NRXN3: variants seen among roughly 807,000 people sequenced by gnomAD.
The protein encoded by NRXN3 is neurexin III.
In NRXN3, 32 loss-of-function variants were observed where a neutral mutation model predicts 137.6. The observed-to-expected ratio is 0.23, with a 90% CI of 0.18 to 0.31. The LOEUF (loss-of-function observed/expected upper bound fraction) is 0.31, where lower values mean the gene tolerates loss of function less well. Ranked by LOEUF, NRXN3 falls within the 10% of genes least tolerant of loss-of-function variation. NRXN3 has a pLI of 1.00. For missense variants in NRXN3, 1,574 were observed against 2,062.5 expected (o/e 0.76, Z 4.59); for synonymous variants, 798 against 784.5 (o/e 1.02, Z -0.29).
intron 1 of NRXN3, among the ~76,000 whole-genome samples, chr14:78,185,484 AT>A (rs1474107137): frequency 6.6e-6 from 1 of 152,222 alleles, no homozygotes; most frequent in African/African-American, 2.4e-5. Flanking sequence ...CTGAAAGGGT[AT>A]GCTGAGTCAG....
chr14:79,266,050 G>T (rs950555038), intron 15 of NRXN3, among the ~76,000 whole-genome samples: 1 of 152,080 alleles, frequency 6.6e-6, no homozygotes, highest in African/African-American at 2.4e-5. Context: ...TAGCTCTTTA[G>T]CCCCTGTTTC....
chr14:79,715,875 A>G (rs896184696), intron 19 of NRXN3, among the ~76,000 whole-genome samples: 3 of 152,250 alleles, frequency 2.0e-5, no homozygotes, highest in African/African-American at 7.2e-5. Context: ...TGTTCCCGCC[A>G]AAGGAAATAG....
chr14:78,585,852 G>T (rs1053138388), intron 4 of NRXN3, among the ~76,000 whole-genome samples: 1 of 152,144 alleles, frequency 6.6e-6, no homozygotes, highest in African/African-American at 2.4e-5. Flanking sequence ...TATGAAATTG[G>T]TGATGGTATG....
At chr14:79,772,492 T>G (rs2099081971) in intron 19 of NRXN3, among the ~76,000 whole-genome samples, 1 of 152,294 alleles carries the variant, frequency 6.6e-6, no homozygotes, top group South Asian at 2.1e-4. Context: ...AACTACCTGA[T>G]CTTTGACAAA....
chr14:78,598,735 A>G (rs1323314351), intron 4 of NRXN3, among the ~76,000 whole-genome samples: 2 of 152,252 alleles, frequency 1.3e-5, no homozygotes, highest in African/African-American at 4.8e-5. Context: ...GAGGGAGCCA[A>G]TATCTCGGTA....
At chr14:78,756,917 A>T (rs550404498) in intron 8 of NRXN3, among the ~76,000 whole-genome samples, 3 of 152,304 alleles carry the variant, frequency 2.0e-5, no homozygotes, top group East Asian at 3.9e-4. Context: ...AGGGAAAGCG[A>T]ATGCTGTTTA....
intron 5 of NRXN3, among the ~76,000 whole-genome samples, chr14:78,648,293 A>G (rs576428923): frequency 6.6e-6 from 1 of 152,202 alleles, no homozygotes; most frequent in African/African-American, 2.4e-5. Context: ...CTTTACCTCT[A>G]TGTGTTAACT....
At chr14:79,657,689 A>C (rs76828470) in intron 16 of NRXN3, among the ~76,000 whole-genome samples, 1,695 of 152,302 alleles carry the variant, frequency 0.011, 17 homozygotes, top group South Asian at 0.026. Context: ...ACTGAGTTCA[A>C]TGTTTTATTC....
At chr14:78,965,212 GC>G (rs1009464382) in intron 11 of NRXN3, among the ~76,000 whole-genome samples, 4 of 152,144 alleles carry the variant, frequency 2.6e-5, no homozygotes, top group African/African-American at 9.7e-5. Flanking sequence ...TTGGGTTGTT[GC>G]CAGTTCTAAG....
chr14:78,572,824 G>A (rs1306412695), intron 4 of NRXN3, among the ~76,000 whole-genome samples: 1 of 152,144 alleles, frequency 6.6e-6, no homozygotes, highest in East Asian at 1.9e-4. Context: ...ATTATGAATG[G>A]ATGCTTTAGG....
At chr14:78,678,319 C>CT (rs398025853) in intron 6 of NRXN3, among the ~76,000 whole-genome samples, 7,666 of 143,136 alleles carry the variant, frequency 0.054, 245 homozygotes, top group African/African-American at 0.064. Flanking sequence ...ATGCTCCATA[C>CT]TTTTTTTTTT....
chr14:78,416,637 C>A (rs1373464585), intron 4 of NRXN3, among the ~76,000 whole-genome samples: 1 of 152,204 alleles, frequency 6.6e-6, no homozygotes, highest in African/African-American at 2.4e-5. Flanking sequence ...TATTTTATTG[C>A]AGAATTGCGT....
chr14:78,570,515 T>G (rs181342052), intron 4 of NRXN3, among the ~76,000 whole-genome samples: 1 of 152,320 alleles, frequency 6.6e-6, no homozygotes, highest in Admixed American at 6.5e-5. Context: ...ATACAGGAAC[T>G]TCTGCAGGTT....
At chr14:78,380,307 CA>C (rs34099445) in intron 4 of NRXN3, among the ~76,000 whole-genome samples, 11 of 100,474 alleles carry the variant, frequency 1.1e-4, no homozygotes, top group East Asian at 2.9e-4. Context: ...GACTCCGTCT[CA>C]AAAAAAAAAA....
At chr14:79,126,398 C>T (rs1331412269) in intron 15 of NRXN3, among the ~76,000 whole-genome samples, 1 of 131,680 alleles carries the variant, frequency 7.6e-6, no homozygotes, top group Non-Finnish European at 1.5e-5. Context: ...TTGTTCAATT[C>T]CCACCTATGA....
chr14:78,789,179 G>T (rs2098798044), intron 8 of NRXN3, among the ~76,000 whole-genome samples: 1 of 152,188 alleles, frequency 6.6e-6, no homozygotes, highest in Admixed American at 6.5e-5. Context: ...ACCGGAGTTA[G>T]TCTAAAAAGC....
chr14:79,295,789 A>G (rs2083987358), intron 15 of NRXN3, among the ~76,000 whole-genome samples: 2 of 152,146 alleles, frequency 1.3e-5, no homozygotes, highest in Non-Finnish European at 2.9e-5. Flanking sequence ...GACTGCTACT[A>G]ATTTTTCACG....
intron 17 of NRXN3, among the ~76,000 whole-genome samples, chr14:79,691,128 A>G (rs889790244): frequency 2.6e-5 from 4 of 152,078 alleles, no homozygotes; most frequent in Admixed American, 2.6e-4. Flanking sequence ...TTAAGGGTGT[A>G]TCTCCACAGC....
chr14:79,080,603 TGTC>T (rs1256475612), intron 15 of NRXN3, among the ~76,000 whole-genome samples: 3 of 152,224 alleles, frequency 2.0e-5, no homozygotes, highest in African/African-American at 7.2e-5. Context: ...CTTTCTCCTT[TGTC>T]GTTATATGTT....
Sources: allele counts gnomAD v4.1 joint callset (sites outside exome capture counted in the v4.1 genomes callset), GRCh38; gene constraint gnomAD v4.1.1; transcripts MANE v1.5; gene names NCBI Gene and HGNC (gene_info 2026-07-23, HGNC 2026-07-21).